ADRA1B: variants seen among roughly 807,000 people sequenced by gnomAD.
ADRA1B encodes alpha-1B adrenergic receptor.
In ADRA1B, 17 loss-of-function variants were observed where a neutral mutation model predicts 17.9. The observed-to-expected ratio is 0.95, with a 90% CI of 0.65 to 1.42. The LOEUF is 1.42. ADRA1B is among the 40% of genes most tolerant of loss of function. The probability of loss-of-function intolerance (pLI) is 0.00; values close to 1 mark genes in which losing one functional copy is unlikely to be tolerated. For missense variants in ADRA1B, 681 were observed against 722.1 expected (o/e 0.94, Z 0.65); for synonymous variants, 366 against 327.6 (o/e 1.12, Z -1.27).
upstream of ADRA1B, among the ~76,000 whole-genome samples, chr5:159,915,560 A>G (rs1754281040): frequency 6.6e-6 from 1 of 151,938 alleles, no homozygotes; most frequent in African/African-American, 2.4e-5. Flanking sequence ...AAAGGAAAAA[A>G]CTCAACAAAT....
intron 1 of ADRA1B, among the ~76,000 whole-genome samples, chr5:159,922,636 T>C (rs1465242467): frequency 2.0e-5 from 3 of 152,204 alleles, no homozygotes; most frequent in Non-Finnish European, 4.4e-5. Flanking sequence ...GTACTGTGTA[T>C]GACAAGGGTC....
the ADRA1B span, among the ~76,000 whole-genome samples, chr5:159,987,314 C>T: frequency 2.6e-5 from 4 of 152,356 alleles, no homozygotes; most frequent in African/African-American, 7.2e-5. Context: ...GCGCGGGTCT[C>T]TCCTGCGGGC....
intron 1 of ADRA1B, among the ~76,000 whole-genome samples, chr5:159,933,972 G>A (rs923613521): frequency 3.9e-5 from 6 of 152,094 alleles, no homozygotes; most frequent in Non-Finnish European, 5.9e-5. Flanking sequence ...AGTAGACAGC[G>A]TATATTTAGA....
intron 1 of ADRA1B, among the ~76,000 whole-genome samples, chr5:159,954,511 G>A (rs1755515973): frequency 6.6e-6 from 1 of 152,140 alleles, no homozygotes; most frequent in Non-Finnish European, 1.5e-5. Context: ...ATTTTAGGAG[G>A]ACAATCACTC....
At chr5:159,965,443 T>C (rs931902450) in intron 1 of ADRA1B, among the ~76,000 whole-genome samples, 3 of 152,154 alleles carry the variant, frequency 2.0e-5, no homozygotes, top group Non-Finnish European at 4.4e-5. Flanking sequence ...CCACACTTCC[T>C]GTTGTATTTA....
At chr5:159,914,557 T>C (rs373069698), upstream of ADRA1B, among the ~76,000 whole-genome samples, 7 of 152,332 alleles carry the variant, frequency 4.6e-5, no homozygotes, top group East Asian at 1.3e-3. Context: ...TTTTCAGGAC[T>C]GTCTCTACCA....
chr5:159,873,706 A>G (rs1420320239), intron 1 of ADRA1B, among the ~76,000 whole-genome samples: 1 of 152,202 alleles, frequency 6.6e-6, no homozygotes, highest in Non-Finnish European at 1.5e-5. Flanking sequence ...AACAGGAGTG[A>G]AAGCCATGGC....
At chr5:159,936,550 TGATA>T (rs1754960163) in intron 1 of ADRA1B, among the ~76,000 whole-genome samples, 1 of 152,148 alleles carries the variant, frequency 6.6e-6, no homozygotes, top group Admixed American at 6.5e-5. Flanking sequence ...ACTTTCAGAC[TGATA>T]GATTAATTGG....
intron 1 of ADRA1B, among the ~76,000 whole-genome samples, chr5:159,921,064 C>T (rs1754465398): frequency 6.6e-6 from 1 of 152,126 alleles, no homozygotes; most frequent in South Asian, 2.1e-4. Context: ...ATAGCTGTGC[C>T]CCCTACAGGA....
chr5:159,904,024 A>G (rs1754130343), intron 1 of ADRA1B, among the ~76,000 whole-genome samples: 1 of 152,188 alleles, frequency 6.6e-6, no homozygotes, highest in Non-Finnish European at 1.5e-5. Context: ...ATTTGCCGAA[A>G]TGTTAACAAC....
rs372601516 is a variant in ADRA1B at position 159,898,335 on chromosome 5, G to A, written c.-255-17784G>A. On this transcript the variant is annotated intron_variant, in intron 1 of 2. Transcript: ENST00000641205. ...CTCAGGAGACAGCTGTAAGACAGGA[G>A]GGCAGAGAAAACTATCGCCCATAGA... Among the ~76,000 whole-genome samples the A allele has an allele frequency of 2.6e-5, 4 of 152,200 alleles. No individual in the cohort carries two copies. In the South Asian group the frequency reaches 8.3e-4, roughly 31 times the overall value.
rs144164193 is a variant in ADRA1B at position 159,972,866 on chromosome 5, C to T, written c.*374C>T. ...TGTGCGTGGGGCCGCCCTGTGAGGG[C>T]GCGGCGACTGTGCGCCCAGGAGGCA... On this transcript the variant is annotated 3_prime_UTR_variant, in exon 2 of 2. Coordinates refer to ENST00000306675, the MANE Select transcript of ADRA1B (RefSeq NM_000679.4). 2.6e-4 allele frequency among the ~76,000 whole-genome samples: 40 copies of T among 152,300 alleles called. No homozygotes were observed. In the East Asian group the frequency reaches 7.3e-3, roughly 28 times the overall value.
chr5:159,905,632 G>C (rs1176724530), intron 1 of ADRA1B, among the ~76,000 whole-genome samples: 1 of 152,180 alleles, frequency 6.6e-6, no homozygotes, highest in Non-Finnish European at 1.5e-5. Flanking sequence ...CCTAGGGAGA[G>C]AGACAGAGTG....
chr5:159,924,119 T>C (rs1382484649), intron 1 of ADRA1B, among the ~76,000 whole-genome samples: 12 of 152,370 alleles, frequency 7.9e-5, no homozygotes, highest in Non-Finnish European at 1.2e-4. Flanking sequence ...TACTGGCTTA[T>C]GACGAATCAG....
At chr5:159,960,747 A>G (rs557363659) in intron 1 of ADRA1B, among the ~76,000 whole-genome samples, 15 of 150,944 alleles carry the variant, frequency 9.9e-5, no homozygotes, top group East Asian at 3.9e-4. Context: ...GATGCACTGG[A>G]TCAGAGATTC....
intron 1 of ADRA1B, among the ~76,000 whole-genome samples, chr5:159,967,956 C>T (rs530818620): frequency 1.1e-4 from 17 of 152,226 alleles, no homozygotes; most frequent in African/African-American, 2.4e-4. Context: ...ACGTATGCCG[C>T]GCAGACATAG....
chr5:159,972,501 T>C lies in ADRA1B; in HGVS notation c.*9T>C. The stretch of plus-strand genomic sequence containing the variant: ...CGCCCGGGCAGTTTTAGGGCCCCCG[T>C]GCGCAGCTTTCTTTCCCTGGGGAGG... On this transcript the variant is annotated 3_prime_UTR_variant, in exon 2 of 2. Transcript: ENST00000306675. 1.8e-6 allele frequency: 2 copies of C among 1,116,700 alleles called. No individual in the cohort carries two copies. Among genetic ancestry groups the C allele is most frequent in the South Asian group, 3.8e-5 (2 of 52,106 alleles). The allele number at this position is 1,116,700 out of a possible 1,614,324, so 69.2% of individuals were successfully genotyped here.
At chr5:159,955,179 C>A in intron 1 of ADRA1B, 5 of 985,336 alleles carry the variant, frequency 5.1e-6, no homozygotes, top group Non-Finnish European at 6.0e-6. Context: ...AGATGGTGTA[C>A]CAGCGTCATT....
intron 1 of ADRA1B, among the ~76,000 whole-genome samples, chr5:159,885,719 T>C (rs1581019916): frequency 6.6e-6 from 1 of 152,356 alleles, no homozygotes; most frequent in East Asian, 1.9e-4. Flanking sequence ...AACTTCTTTC[T>C]AAATAAAGCT....
Sources: gnomAD v4.1 joint callset for allele counts (sites outside exome capture counted in the v4.1 genomes callset) on GRCh38, gnomAD v4.1.1 for gene constraint, MANE v1.5 for transcripts, NCBI Gene and HGNC (gene_info 2026-07-23, HGNC 2026-07-21) for gene names.